Variants in STPG2 observed in about 807,000 individuals in gnomAD.
STPG2 encodes sperm tail PG-rich repeat containing 2.
In STPG2, 56 loss-of-function variants were observed where a neutral mutation model predicts 54.2. The observed-to-expected ratio is 1.03, with a 90% CI of 0.83 to 1.29. The LOEUF is 1.29. STPG2 is among the 50% of genes most tolerant of loss of function. STPG2 has a pLI of 0.00. For synonymous variants in STPG2, 200 were observed against 181.8 expected (o/e 1.10, Z -0.81); for missense variants, 596 against 544.9 (o/e 1.09, Z -0.93).
chr4:97,448,716 G>A (rs914854812), intron 4 of STPG2, among the ~76,000 whole-genome samples: 3 of 152,030 alleles, frequency 2.0e-5, no homozygotes, highest in Non-Finnish European at 4.4e-5. Context: ...TTATATCAGT[G>A]TGAGAACGAA....
intron 4 of STPG2, among the ~76,000 whole-genome samples, chr4:97,453,707 T>C (rs1729437664): frequency 6.6e-6 from 1 of 152,182 alleles, no homozygotes; most frequent in African/African-American, 2.4e-5. Context: ...AAGTTTGCCA[T>C]TCTCTAAAAA....
chr4:98,117,583 G>C (rs1219361333), intron 3 of STPG2, among the ~76,000 whole-genome samples: 2 of 151,800 alleles, frequency 1.3e-5, no homozygotes, highest in Non-Finnish European at 2.9e-5. Context: ...GTGTCCCCTA[G>C]ATCTCTGAGG....
At position 97,542,796 on chromosome 4, in the gene STPG2, A is replaced by AATGATG. The variant is rs549677735; in HGVS notation, c.462+169897_462+169902dup. 6.4e-3 allele frequency among the ~76,000 whole-genome samples: 971 copies of AATGATG among 152,316 alleles called. 13 individuals carry two copies. Among genetic ancestry groups the AATGATG allele is most frequent in the Non-Finnish European group, 5.4e-3 (367 of 68,024 alleles). On this transcript the variant is annotated intron_variant, in intron 4 of 4. Coordinates refer to the STPG2 transcript ENST00000522676. Reference sequence around the variant, plus strand: ...CGTAGAATACTATGCAGCCATAAAAAATGATGAGTTCATGTCCTTTGTAGG... The same window carrying AATGATG: ...CGTAGAATACTATGCAGCCATAAAAAATGATGATGATGAGTTCATGTCCTTTGTAGG...
chr4:97,947,153 G>A (rs1014680108), intron 7 of STPG2, among the ~76,000 whole-genome samples: 1 of 151,970 alleles, frequency 6.6e-6, no homozygotes, highest in Admixed American at 6.6e-5. Context: ...TGCAGCTAAA[G>A]GAGATTGAGT....
At chr4:97,652,750 G>A (rs929980084) in intron 10 of STPG2, among the ~76,000 whole-genome samples, 1 of 151,914 alleles carries the variant, frequency 6.6e-6, no homozygotes, top group Non-Finnish European at 1.5e-5. Context: ...GACAATAAGT[G>A]AAGTTTCATA....
At chr4:97,677,933 G>A (rs1474572225) in intron 10 of STPG2, among the ~76,000 whole-genome samples, 1 of 152,050 alleles carries the variant, frequency 6.6e-6, no homozygotes, top group African/African-American at 2.4e-5. Context: ...GGAGATTGTT[G>A]TAGTTCTCAT....
intron 4 of STPG2, among the ~76,000 whole-genome samples, chr4:97,536,529 T>C (rs1474674142): frequency 6.6e-6 from 1 of 152,162 alleles, no homozygotes; most frequent in Non-Finnish European, 1.5e-5. Context: ...ACTGAGTCAA[T>C]TAAACCTATT....
intron 5 of STPG2, among the ~76,000 whole-genome samples, chr4:98,006,840 T>G (rs1324170388): frequency 3.9e-5 from 6 of 152,136 alleles, no homozygotes; most frequent in African/African-American, 1.2e-4. Flanking sequence ...TTCCGAAGTG[T>G]GAGAAAAAGG....
chr4:97,534,262 A>G (rs775663558), intron 4 of STPG2, among the ~76,000 whole-genome samples: 4 of 152,018 alleles, frequency 2.6e-5, no homozygotes, highest in South Asian at 2.1e-4. Context: ...TATTATGTGT[A>G]ATTTTTATTA....
chr4:97,551,742 A>G (rs1451952771), intron 4 of STPG2, among the ~76,000 whole-genome samples: 2 of 152,248 alleles, frequency 1.3e-5, no homozygotes, highest in Admixed American at 1.3e-4. Flanking sequence ...TCATGTACAT[A>G]GAAAAAATAA....
intron 7 of STPG2, among the ~76,000 whole-genome samples, chr4:97,948,317 T>C (rs1733327669): frequency 6.6e-6 from 1 of 152,142 alleles, no homozygotes; most frequent in Admixed American, 6.6e-5. Flanking sequence ...TCTTCTTTTC[T>C]TGGTTAATCT....
chr4:97,461,624 C>T (rs890729729), intron 4 of STPG2, among the ~76,000 whole-genome samples: 1 of 152,156 alleles, frequency 6.6e-6, no homozygotes, highest in Non-Finnish European at 1.5e-5. Context: ...TTGTTTATAA[C>T]CCACCCAGTC....
intron 10 of STPG2, among the ~76,000 whole-genome samples, chr4:97,600,046 A>G (rs1305673764): frequency 6.6e-6 from 1 of 152,066 alleles, no homozygotes; most frequent in African/African-American, 2.4e-5. Context: ...TTGAGTACAC[A>G]TGGACACAAA....
At chr4:97,757,673 A>G (rs1725772151) in intron 9 of STPG2, among the ~76,000 whole-genome samples, 1 of 152,214 alleles carries the variant, frequency 6.6e-6, no homozygotes, top group African/African-American at 2.4e-5. Flanking sequence ...TAGCTCAAAA[A>G]TATCAAGTTT....
chr4:98,071,611 A>G (rs1738004630), intron 5 of STPG2, among the ~76,000 whole-genome samples: 1 of 152,212 alleles, frequency 6.6e-6, no homozygotes, highest in Admixed American at 6.5e-5. Context: ...GGAAACTATC[A>G]TCAGAGTGAA....
chr4:97,849,482 C>T (rs1578619286), intron 8 of STPG2, among the ~76,000 whole-genome samples: 1 of 151,970 alleles, frequency 6.6e-6, no homozygotes. Flanking sequence ...AGTGAACAGG[C>T]AACCTACAAC....
chr4:97,514,058 C>T (rs1274370526), intron 4 of STPG2, among the ~76,000 whole-genome samples: 1 of 152,236 alleles, frequency 6.6e-6, no homozygotes, highest in South Asian at 2.1e-4. Flanking sequence ...AATCAGTTGC[C>T]ACTGAGTGGT....
chr4:98,130,669 T>C (rs1739960816), intron 2 of STPG2, among the ~76,000 whole-genome samples: 1 of 151,180 alleles, frequency 6.6e-6, no homozygotes, highest in Admixed American at 6.6e-5. Flanking sequence ...ACACCTGTAA[T>C]CCCAGCACTT....
chr4:97,856,512 T>C (rs1729342804), intron 8 of STPG2, among the ~76,000 whole-genome samples: 1 of 152,216 alleles, frequency 6.6e-6, no homozygotes, highest in Admixed American at 6.5e-5. Flanking sequence ...ATTGATTTTG[T>C]ATCCCCAGAG....
Sources: allele counts gnomAD v4.1 joint callset (sites outside exome capture counted in the v4.1 genomes callset), GRCh38; gene constraint gnomAD v4.1.1; transcripts MANE v1.5; gene names NCBI Gene and HGNC (gene_info 2026-07-23, HGNC 2026-07-21).